SNN: variants seen among roughly 807,000 people sequenced by gnomAD.
SNN encodes AG8_1.
A neutral mutation model predicts 5.3 loss-of-function variants in SNN; 5 were observed. That is an observed-to-expected ratio of 0.94 (90% CI 0.49 to 1.97). The LOEUF (loss-of-function observed/expected upper bound fraction) is 1.97, where lower values mean the gene tolerates loss of function less well. Ranked by LOEUF, SNN falls within the 30% of genes most tolerant of loss-of-function variation. SNN has a pLI of 0.01. For synonymous variants in SNN, 67 were observed against 52.1 expected, an observed-to-expected ratio of 1.29 and a Z score of -1.24; for missense variants, 127 against 121.6, an observed-to-expected ratio of 1.04 and a Z score of -0.21.
chr16:11,674,391 G>C (rs985403837), intron 1 of SNN, among the ~76,000 whole-genome samples: 1 of 152,228 alleles, frequency 6.6e-6, no homozygotes, highest in African/African-American at 2.4e-5. Flanking sequence ...CAGCACTGCG[G>C]GGCAGCAGAG....
intron 1 of SNN, among the ~76,000 whole-genome samples, chr16:11,674,437 T>C (rs976513076): frequency 1.3e-5 from 2 of 152,198 alleles, no homozygotes; most frequent in Non-Finnish European, 2.9e-5. Flanking sequence ...TCACTGGCTG[T>C]GCCTTGGGTG....
intron 1 of SNN, among the ~76,000 whole-genome samples, chr16:11,669,307 C>CA (rs1295649212): frequency 1.2e-4 from 18 of 152,224 alleles, no homozygotes; most frequent in Non-Finnish European, 7.3e-5. Context: ...ACCCCTAAGT[C>CA]CCCAGCACCC....
In SNN at chr16:11,676,192, G is replaced by A; in HGVS notation, c.133G>A (p.Glu45Lys). 1 of 1,614,258 alleles carries A rather than the reference G, an allele frequency of 6.2e-7. No homozygotes were observed. Among genetic ancestry groups the A allele is most frequent in the South Asian group, 1.1e-5 (1 of 91,088 alleles). The change falls in exon 2 of 2, where the codon GAG (glutamate) becomes AAG (lysine). Residue 45 changes from glutamate to lysine, a missense_variant. By Grantham distance (56) the Glu-to-Lys change is moderately conservative (BLOSUM62 1). Coordinates refer to ENST00000329565, the MANE Select transcript of SNN (RefSeq NM_003498.6). ...YLRLQRISQS[E>K]DEESIVGDGE... ...GCGGCTGCAGCGCATCAGCCAGTCA[G>A]AGGACGAGGAGAGCATCGTGGGGGA...
intron 1 of SNN, among the ~76,000 whole-genome samples, chr16:11,670,856 G>A (rs1464520156): frequency 4.6e-5 from 7 of 152,224 alleles, no homozygotes; most frequent in African/African-American, 1.7e-4. Flanking sequence ...AGGACAGGAG[G>A]ATACCCGTCC....
chr16:11,672,483 G>A lies in SNN; in HGVS notation c.-85-3492G>A, dbSNP rs886674689. On this transcript the variant is annotated intron_variant, in intron 1 of 1. Coordinates refer to ENST00000329565, the MANE Select transcript of SNN (RefSeq NM_003498.6). This position sits in a 1 kb window ranked among gnomAD's most constrained non-coding sequence, Gnocchi z 6.0. ...AGGGCAGAGGTGGGAGCGTGGGCTC[G>A]CAGCGGAGGGTGTGGGGACGCCTGG... Among the ~76,000 whole-genome samples, 7 of 152,164 alleles carry A rather than the reference G, an allele frequency of 4.6e-5. No homozygotes were observed. The highest frequency in any genetic ancestry group is 2.1e-4 in the South Asian group (1 of 4,832).
In SNN at chr16:11,671,048, G is replaced by C. The variant is rs2050263051; in HGVS notation, c.-86+2508G>C. On this transcript the variant is annotated intron_variant, in intron 1 of 1. Transcript: ENST00000329565. The surrounding 1 kb of genome is among the most constrained non-coding windows in gnomAD (Gnocchi z 4.7). ...TGGGCTGCTGGGGAGGAGTGGCCAA[G>C]GGCGGTGCAGGCCCCCGCTCACCTG... is the stretch of plus-strand genomic sequence containing the variant. 6.6e-6 allele frequency among the ~76,000 whole-genome samples: 1 copy of C among 152,270 alleles called. No homozygotes were observed. Among genetic ancestry groups the C allele is most frequent in the Non-Finnish European group, 1.5e-5 (1 of 68,044 alleles).
At position 11,668,538 on chromosome 16, in the gene SNN, A is replaced by G. The variant is rs1268047657; in HGVS notation, c.-88A>G. The G allele has an allele frequency of 2.1e-5, 3 of 140,842 alleles. No individual in the cohort carries two copies. The highest frequency in any genetic ancestry group is 3.1e-5 in the Non-Finnish European group (2 of 63,980). The allele number at this position is 140,842 out of a possible 1,614,324, so 8.7% of individuals were successfully genotyped here. ...GATCGGGCCGGGCCGCTGCCGCGCC[A>G]TGGTGAGCCGGGCGGGGCAGGCCGC... On this transcript the variant is annotated splice_region_variant and 5_prime_UTR_variant, in exon 1 of 2. The change abolishes an upstream ATG in the 5' untranslated region. Coordinates refer to ENST00000329565, the MANE Select transcript of SNN (RefSeq NM_003498.6). This position sits in a 1 kb window ranked among gnomAD's most constrained non-coding sequence, Gnocchi z 6.8.
intron 1 of SNN, among the ~76,000 whole-genome samples, chr16:11,673,087 G>C (rs8191296): frequency 2.1e-4 from 32 of 152,280 alleles, no homozygotes; most frequent in Non-Finnish European, 4.1e-4. Context: ...GCAGGGGAGA[G>C]GGAGGTGGGA....
chr16:11,675,479 C>T (rs1460282463), intron 1 of SNN, among the ~76,000 whole-genome samples: 1 of 152,116 alleles, frequency 6.6e-6, no homozygotes, highest in African/African-American at 2.4e-5. Context: ...GTTGGCCAGG[C>T]TGGTCTCAAA....
chr16:11,673,918 G>A (rs1029372306), intron 1 of SNN, among the ~76,000 whole-genome samples: 4 of 152,222 alleles, frequency 2.6e-5, no homozygotes, highest in African/African-American at 9.6e-5. Context: ...TCAGGGGGAA[G>A]GCAGTGGAAT....
rs929678084 is a variant in SNN, at chr16:11,676,059, C to A, written c.-1C>A. On this transcript the variant is annotated 5_prime_UTR_variant, in exon 2 of 2. Transcript: ENST00000329565. ...AGCCGAGGAAGCCCCCAGCACTGAC[C>A]ATGTCTATTATGGACCACAGCCCCA... 1 of 1,594,432 alleles carries A rather than the reference C, an allele frequency of 6.3e-7. No individual in the cohort carries two copies. Among genetic ancestry groups the A allele is most frequent in the South Asian group, 1.1e-5 (1 of 88,750 alleles).
intron 1 of SNN, among the ~76,000 whole-genome samples, chr16:11,670,249 G>C (rs1421108626): frequency 6.6e-6 from 1 of 151,990 alleles, no homozygotes; most frequent in Admixed American, 6.6e-5. Flanking sequence ...AGCCCCGTAG[G>C]GATGGCTGGT....
rs2050316712 is a variant in SNN at position 11,677,660 on chromosome 16, A to G, written c.*1334A>G. ...ACAGCCTGTCTCCAAGGCCTCCCCT[A>G]TGTACATTTCAGTGAGCTCACTTTG... On this transcript the variant is annotated 3_prime_UTR_variant, in exon 2 of 2. Coordinates refer to ENST00000329565, the MANE Select transcript of SNN (RefSeq NM_003498.6). This position sits in a 1 kb window ranked among gnomAD's most constrained non-coding sequence, Gnocchi z 4.2. 1 of 166,930 alleles carries G rather than the reference A, an allele frequency of 6.0e-6. No homozygotes were observed. Among genetic ancestry groups the G allele is most frequent in the South Asian group, 2.1e-4 (1 of 4,818 alleles). The allele number at this position is 166,930 out of a possible 1,614,324, so 10.3% of individuals were successfully genotyped here. A position where few individuals can be genotyped will look rare whatever the true frequency, so the allele number is the denominator to read the frequency against.
At position 11,672,346 on chromosome 16, in the gene SNN, G is replaced by A; in HGVS notation, c.-85-3629G>A. Among the ~76,000 whole-genome samples, 1 of 152,180 alleles carries A rather than the reference G, an allele frequency of 6.6e-6. No individual in the cohort carries two copies. The highest frequency in any genetic ancestry group is 1.9e-4 in the East Asian group (1 of 5,178). ...AAATGAAGTAGGGCAAGGCTGTAGT[G>A]GTGGGGTGTGGGAGGAGGGGCGCCT... is the stretch of plus-strand genomic sequence containing the variant. On this transcript the variant is annotated intron_variant, in intron 1 of 1. Transcript: ENST00000329565. The surrounding 1 kb of genome is among the most constrained non-coding windows in gnomAD (Gnocchi z 6.0).
rs1336131563 is a variant in SNN at position 11,672,135 on chromosome 16, G to A, written c.-86+3595G>A. On this transcript the variant is annotated intron_variant, in intron 1 of 1. Transcript: ENST00000329565. The surrounding 1 kb of genome is among the most constrained non-coding windows in gnomAD (Gnocchi z 6.0). The stretch of plus-strand genomic sequence containing the variant: ...TCTCCTCTAACTCATCACTGTATCT[G>A]CAGGGAGGGAACACTCAACAGACCA... Among the ~76,000 whole-genome samples the A allele has an allele frequency of 1.3e-5, 2 of 152,196 alleles. No individual in the cohort carries two copies. Among genetic ancestry groups the A allele is most frequent in the Non-Finnish European group, 2.9e-5 (2 of 68,042 alleles).
chr16:11,673,385 C>T (rs2050278341), intron 1 of SNN, among the ~76,000 whole-genome samples: 1 of 152,238 alleles, frequency 6.6e-6, no homozygotes. Context: ...TGGCCATGCT[C>T]CAGAAGCCAG....
In SNN at chr16:11,676,327, G is replaced by A. The variant is rs1269992392; in HGVS notation, c.*1G>A. ...CAACGGCCCGGAAGTCCACGGCTGA[G>A]CCAGGATGCAAGGCTCCTGGTCCTG... On this transcript the variant is annotated 3_prime_UTR_variant, in exon 2 of 2. Transcript: ENST00000329565. The A allele has an allele frequency of 6.2e-7, 1 of 1,610,426 alleles. No homozygotes were observed.
rs762925191 is a variant in SNN at position 11,672,871 on chromosome 16, C to T, written c.-85-3104C>T. On this transcript the variant is annotated intron_variant, in intron 1 of 1. Coordinates refer to ENST00000329565, the MANE Select transcript of SNN (RefSeq NM_003498.6). This position sits in a 1 kb window ranked among gnomAD's most constrained non-coding sequence, Gnocchi z 6.0. The stretch of plus-strand genomic sequence containing the variant: ...CAGTGGTTGAACTGGGGCCCTTGAA[C>T]TCAGGTGCCTCCTGGCCTGCCCACC... Among the ~76,000 whole-genome samples the T allele has an allele frequency of 7.9e-5, 12 of 152,062 alleles. No homozygotes were observed. Among genetic ancestry groups the T allele is most frequent in the Non-Finnish European group, 1.6e-4 (11 of 67,994 alleles).
chr16:11,674,070 T>C (rs2141939402), intron 1 of SNN, among the ~76,000 whole-genome samples: 1 of 152,344 alleles, frequency 6.6e-6, no homozygotes, highest in Admixed American at 6.5e-5. Context: ...AAACTCCTGG[T>C]TGGGTAAGAA....
Sources: gnomAD v4.1 joint callset for allele counts (sites outside exome capture counted in the v4.1 genomes callset) on GRCh38, gnomAD v4.1.1 for gene constraint, Gnocchi (gnomAD v3.1) non-coding constraint, MANE v1.5 for transcripts, NCBI Gene and HGNC (gene_info 2026-07-23, HGNC 2026-07-21) for gene names.